The following SLC7A5 variants were observed in gnomAD, a reference collection of about 807,000 sequenced individuals.
SLC7A5 encodes solute carrier family 7 member 5.
Under a neutral mutation model 50.2 loss-of-function variants are expected in SLC7A5, and 23 were observed. The observed-to-expected ratio is 0.46, with a 90% CI of 0.33 to 0.65. The LOEUF (loss-of-function observed/expected upper bound fraction) is 0.65, where lower values mean the gene tolerates loss of function less well. Ranked by LOEUF, SLC7A5 falls within the 30% of genes least tolerant of loss-of-function variation. The pLI is 0.02. For synonymous variants in SLC7A5, 393 were observed against 330.6 expected (o/e 1.19, Z -2.05); for missense variants, 578 against 684.4 (o/e 0.84, Z 1.73).
chr16:87,834,179 G>A (rs2054967119), intron 9 of SLC7A5, among the ~76,000 whole-genome samples: 1 of 152,200 alleles, frequency 6.6e-6, no homozygotes, highest in African/African-American at 2.4e-5. Flanking sequence ...TTACTTGGCA[G>A]CAGTAGCCTG....
Position 87,830,965 on chromosome 16 carries a change from C to A in SLC7A5, c.*2005G>T, listed in dbSNP as rs987739325. On this transcript the variant is annotated 3_prime_UTR_variant, in exon 10 of 10. Transcript: ENST00000261622. ...GACGTCGTGCGTGGGCCCCGCCGGC[C>A]CCAGTGGGAAGCAGTGGTGCGTGCC... is the stretch of plus-strand genomic sequence containing the variant. The A allele has an allele frequency of 6.6e-6, 1 of 152,264 alleles. No individual in the cohort carries two copies. Among genetic ancestry groups the A allele is most frequent in the Non-Finnish European group, 1.5e-5 (1 of 68,066 alleles). 9.4% of individuals were successfully genotyped at this position (152,264 alleles called of 1,614,324 possible). A position where few individuals can be genotyped will look rare whatever the true frequency, so the allele number is the denominator to read the frequency against.
chr16:87,858,286 A>C (rs1075973), intron 1 of SLC7A5, among the ~76,000 whole-genome samples: 2 of 152,104 alleles, frequency 1.3e-5, no homozygotes, highest in African/African-American at 4.8e-5. Flanking sequence ...ACGGCGCCCC[A>C]TGAAAGCATC....
At chr16:87,834,761 T>A (rs2054976953) in intron 8 of SLC7A5, 170 bp from the exon 9 acceptor site, 1 of 707,450 alleles carries the variant, frequency 1.4e-6, no homozygotes, top group Non-Finnish European at 2.5e-6. Flanking sequence ...TGTCCCGCCC[T>A]CGACTCTGCA....
At chr16:87,867,943 G>A (rs112332118) in intron 1 of SLC7A5, among the ~76,000 whole-genome samples, 23 of 151,918 alleles carry the variant, frequency 1.5e-4, no homozygotes, top group African/African-American at 5.1e-4. Flanking sequence ...GTGAAACGCC[G>A]TCTCTACTAA....
intron 8 of SLC7A5, among the ~76,000 whole-genome samples, chr16:87,835,419 C>A (rs890399725): frequency 2.3e-4 from 35 of 152,360 alleles, no homozygotes; most frequent in African/African-American, 8.2e-4. Flanking sequence ...TAGGGCGGCT[C>A]CTCCCTGCCC....
rs1433497266 is a variant in SLC7A5 at position 87,869,483 on chromosome 16, C to G, written c.-61G>C. 8.8e-7 allele frequency: 1 copy of G among 1,133,514 alleles called. No individual in the cohort carries two copies. Among genetic ancestry groups the G allele is most frequent in the Non-Finnish European group, 1.1e-6 (1 of 920,752 alleles). The allele number at this position is 1,133,514 out of a possible 1,614,324, so 70.2% of individuals were successfully genotyped here. On this transcript the variant is annotated 5_prime_UTR_variant, in exon 1 of 10. Coordinates refer to ENST00000261622, the MANE Select transcript of SLC7A5 (RefSeq NM_003486.7). ...GCCGCGGCCCAGCGAGCAGTGTGCG[C>G]GCCGCCCGCCGCCCGCAGCTGCGTC...
chr16:87,843,840 A>C (rs2055113691), intron 2 of SLC7A5, among the ~76,000 whole-genome samples: 1 of 152,152 alleles, frequency 6.6e-6, no homozygotes, highest in Non-Finnish European at 1.5e-5. Context: ...AGACCATGAC[A>C]AGGCATCAGC....
chr16:87,842,402 C>A (rs1050735707), intron 2 of SLC7A5, among the ~76,000 whole-genome samples: 1 of 152,172 alleles, frequency 6.6e-6, no homozygotes, highest in South Asian at 2.1e-4. Flanking sequence ...CGCAGAGTGA[C>A]GAGGTGAGCA....
In SLC7A5 at chr16:87,860,395, CACACATAT is replaced by C. The variant is rs1486848654; in HGVS notation, c.538+8482_538+8489del. 2.3e-3 allele frequency among the ~76,000 whole-genome samples: 148 copies of C among 65,758 alleles called. 5 individuals are homozygous for C. The highest frequency in any genetic ancestry group is 7.5e-3 in the African/African-American group (131 of 17,468). The allele number at this position is 65,758 out of a possible 152,430, so 43.1% of individuals were successfully genotyped here. A position where few individuals can be genotyped will look rare whatever the true frequency, so the allele number is the denominator to read the frequency against. Reference sequence around the variant, plus strand: ...ACACACACACACACACACACACACACACACATATATATATAAAGAAAAAGGAAATCTTC... The same window carrying C: ...ACACACACACACACACACACACACACATATATAAAGAAAAAGGAAATCTTC... On this transcript the variant is annotated intron_variant, in intron 1 of 9. Coordinates refer to ENST00000261622, the MANE Select transcript of SLC7A5 (RefSeq NM_003486.7). The surrounding 1 kb of genome is among the most constrained non-coding windows in gnomAD (Gnocchi z 4.8).
Position 87,832,976 on chromosome 16 carries a change from C to G in SLC7A5, c.1518G>C (p.Glu506Asp), listed in dbSNP as rs2054951456. ...CQKLMQVVPQ[E>D]T ...CAGCCACTCGGCCTCCTGGCTATGT[C>G]TCCTGGGGGACCACCTGCATGAGCT... Residue 506 changes from glutamate to aspartate, a missense_variant, in exon 10 of 10, where the codon GAG becomes GAC. Around this residue, in one of 2 missense-constraint regions of SLC7A5, gnomAD observed 465 missense variants for 594.6 expected, o/e 0.78. Coordinates refer to ENST00000261622, the MANE Select transcript of SLC7A5 (RefSeq NM_003486.7). This position sits in a 1 kb window ranked among gnomAD's most constrained non-coding sequence, Gnocchi z 4.6. The G allele has an allele frequency of 6.2e-7, 1 of 1,613,684 alleles. No homozygotes were observed. Among genetic ancestry groups the G allele is most frequent in the Non-Finnish European group, 8.5e-7 (1 of 1,179,808 alleles).
chr16:87,856,293 A>C (rs1418847764), intron 1 of SLC7A5, among the ~76,000 whole-genome samples: 1 of 152,228 alleles, frequency 6.6e-6, no homozygotes, highest in Non-Finnish European at 1.5e-5. Flanking sequence ...GAGATGGTCC[A>C]AGGCCTGTGA....
chr16:87,865,589 C>T (rs1295086195), intron 1 of SLC7A5, among the ~76,000 whole-genome samples: 7 of 152,254 alleles, frequency 4.6e-5, no homozygotes, highest in African/African-American at 1.7e-4. Context: ...CACCTGTAGT[C>T]CCAGCTACTC....
chr16:87,845,358 A>G (rs4325563), intron 2 of SLC7A5, among the ~76,000 whole-genome samples: 103,940 of 151,940 alleles, frequency 0.68, 36,788 homozygotes, highest in East Asian at 0.84. Flanking sequence ...GGCTCAGGGA[A>G]GTCGTGCAGT....
intron 1 of SLC7A5, among the ~76,000 whole-genome samples, chr16:87,863,204 G>A (rs2055420782): frequency 6.6e-6 from 1 of 152,110 alleles, no homozygotes; most frequent in South Asian, 2.1e-4. Context: ...GAGCCCATCG[G>A]GCCCTTCTTC....
At position 87,830,862 on chromosome 16, in the gene SLC7A5, T is replaced by C. The variant is rs1423808988; in HGVS notation, c.*2108A>G. 2 of 152,274 alleles carry C rather than the reference T, an allele frequency of 1.3e-5. No individual in the cohort carries two copies. The highest frequency in any genetic ancestry group is 2.4e-5 in the African/African-American group (1 of 41,460). The allele number at this position is 152,274 out of a possible 1,614,324, so 9.4% of individuals were successfully genotyped here. ...GCCGGCTCCCTGTATCCTTGAGGCA[T>C]GTCCACGTCCCAGAGCAGGAGGTTG... On this transcript the variant is annotated 3_prime_UTR_variant, in exon 10 of 10. Coordinates refer to ENST00000261622, the MANE Select transcript of SLC7A5 (RefSeq NM_003486.7).
chr16:87,839,809 T>C lies in SLC7A5; in HGVS notation c.832A>G (p.Ile278Val), dbSNP rs745354944. Reference sequence around the variant, plus strand: ...GTCACGATGGGCAGGGAGATGATGATGGCCAGGGGCAGGTTTCTGGAAAGA... The same window carrying C: ...GTCACGATGGGCAGGGAGATGATGACGGCCAGGGGCAGGTTTCTGGAAAGA... ...INPYRNLPLA[I>V]IISLPIVTLV... Residue 278 changes from isoleucine to valine, a missense_variant, in exon 5 of 10, where the codon ATC becomes GTC. Ile to Val is a conservative substitution (Grantham distance 29). Coordinates refer to ENST00000261622, the MANE Select transcript of SLC7A5 (RefSeq NM_003486.7). 2.5e-6 allele frequency: 4 copies of C among 1,613,832 alleles called. No individual in the cohort carries two copies. Among genetic ancestry groups the C allele is most frequent in the East Asian group, 2.2e-5 (1 of 44,850 alleles).
chr16:87,863,941 T>C (rs2143831332), intron 1 of SLC7A5, among the ~76,000 whole-genome samples: 1 of 141,038 alleles, frequency 7.1e-6, no homozygotes, highest in African/African-American at 2.6e-5. Flanking sequence ...TTTCCCTTCC[T>C]AAGCAGAAAA....
chr16:87,851,780 G>A lies in SLC7A5; in HGVS notation c.608C>T (p.Ala203Val). 1.9e-6 allele frequency: 3 copies of A among 1,613,180 alleles called. No homozygotes were observed. The highest frequency in any genetic ancestry group is 2.5e-6 in the Non-Finnish European group (3 of 1,179,960). The change falls in exon 2 of 10, where the codon GCC (alanine) becomes GTC (valine). Residue 203 changes from alanine to valine, a missense_variant. By Grantham distance (64) the Ala-to-Val change is moderately conservative. Transcript: ENST00000261622. Reference sequence around the variant, plus strand: ...GATCAGGGCCAGGGCCAGGAGCTTGGCGGCGGCAAAGGCATCCTGGACCCG... The same window carrying A: ...GATCAGGGCCAGGGCCAGGAGCTTGACGGCGGCAAAGGCATCCTGGACCCG... Reference protein sequence around the residue: ...ATRVQDAFAAAKLLALALIIL... With the variant: ...ATRVQDAFAAVKLLALALIIL...
chr16:87,846,616 A>G (rs1218155838), intron 2 of SLC7A5, among the ~76,000 whole-genome samples: 1 of 152,140 alleles, frequency 6.6e-6, no homozygotes, highest in Non-Finnish European at 1.5e-5. Context: ...ACAAGGAAAC[A>G]CAGCGAGGGG....
Sources: gnomAD v4.1 joint callset for allele counts (sites outside exome capture counted in the v4.1 genomes callset) on GRCh38, gnomAD v4.1.1 for gene constraint, gnomAD v4.1.1 regional missense constraint, Gnocchi (gnomAD v3.1) non-coding constraint, MANE v1.5 for transcripts, NCBI Gene and HGNC (gene_info 2026-07-23, HGNC 2026-07-21) for gene names.